SMURF2: variants seen among roughly 807,000 people sequenced by gnomAD.
SMURF2 encodes E3 ubiquitin-protein ligase SMURF2.
SMURF2 carries 48 observed loss-of-function variants against 109.6 expected under a neutral mutation model. The ratio of observed to expected loss-of-function variants is 0.44; its 90% CI spans 0.35 to 0.56. The LOEUF is 0.56. Among genes scored for constraint, SMURF2 ranks in the 20% least tolerant of loss-of-function variants. SMURF2 has a pLI of 0.01. For missense variants in SMURF2, 575 were observed against 909.0 expected (o/e 0.63, Z 4.72); for synonymous variants, 288 against 317.1 (o/e 0.91, Z 0.97).
At chr17:64,572,713 T>A (rs1490567176) in intron 9 of SMURF2, 2 of 152,334 alleles carry the variant, frequency 1.3e-5, no homozygotes, top group African/African-American at 4.8e-5. Context: ...TACTGGACGG[T>A]GGCCTGCCCA....
Position 64,542,478 on chromosome 17 carries a change from A to T in SMURF2, c.*3370T>A, listed in dbSNP as rs1451944956. Reference sequence around the variant, plus strand: ...TGTAATAAATACAAATACAATGAAAATGATAAAACTTTGTTTTTAAAGTCA... The same window carrying T: ...TGTAATAAATACAAATACAATGAAATTGATAAAACTTTGTTTTTAAAGTCA... On this transcript the variant is annotated 3_prime_UTR_variant, in exon 19 of 19. Transcript: ENST00000262435. 2 of 152,238 alleles carry T rather than the reference A, an allele frequency of 1.3e-5. No homozygotes were observed. The highest frequency in any genetic ancestry group is 4.8e-5 in the African/African-American group (2 of 41,464). 9.4% of individuals were successfully genotyped at this position (152,238 alleles called of 1,614,324 possible). A position where few individuals can be genotyped will look rare whatever the true frequency, so the allele number is the denominator to read the frequency against.
intron 1 of SMURF2, among the ~76,000 whole-genome samples, chr17:64,610,567 T>A: frequency 6.6e-6 from 1 of 151,954 alleles, no homozygotes; most frequent in Non-Finnish European, 1.5e-5. Context: ...TGAGAACACA[T>A]GGACACATGG....
intron 10 of SMURF2, among the ~76,000 whole-genome samples, chr17:64,567,390 C>A (rs1044909497): frequency 3.4e-5 from 5 of 148,810 alleles, no homozygotes; most frequent in South Asian, 2.1e-4. Context: ...GTCATTTACT[C>A]CAACAAACAG....
At chr17:64,606,056 GA>G (rs1159976791) in intron 2 of SMURF2, among the ~76,000 whole-genome samples, 3 of 148,366 alleles carry the variant, frequency 2.0e-5, no homozygotes, top group African/African-American at 7.4e-5. Flanking sequence ...AATAAAGCCA[GA>G]AAAAAAAATT....
intron 1 of SMURF2, among the ~76,000 whole-genome samples, chr17:64,648,737 G>C (rs931489968): frequency 6.6e-6 from 1 of 152,148 alleles, no homozygotes; most frequent in African/African-American, 2.4e-5. Flanking sequence ...CTGAGCGACA[G>C]AGTGAGACCC....
intron 2 of SMURF2, among the ~76,000 whole-genome samples, chr17:64,603,159 G>A (rs1413942012): frequency 6.6e-6 from 1 of 150,522 alleles, no homozygotes; most frequent in East Asian, 1.9e-4. Context: ...ACCCATCTTG[G>A]TTTTAAATGA....
chr17:64,558,506 G>T (rs1568173413), intron 12 of SMURF2, among the ~76,000 whole-genome samples: 2 of 152,076 alleles, frequency 1.3e-5, no homozygotes, highest in South Asian at 4.1e-4. Flanking sequence ...TTTTGGACAA[G>T]GCTATATTTT....
At chr17:64,565,612 GA>G (rs576121373) in intron 10 of SMURF2, among the ~76,000 whole-genome samples, 25 of 144,816 alleles carry the variant, frequency 1.7e-4, no homozygotes, top group Admixed American at 2.8e-4. Flanking sequence ...AACATGAAGG[GA>G]AAAAAAAAAA....
At chr17:64,601,874 G>T in intron 2 of SMURF2, among the ~76,000 whole-genome samples, 1 of 146,268 alleles carries the variant, frequency 6.8e-6, no homozygotes, top group South Asian at 2.2e-4. Flanking sequence ...GTATATATAT[G>T]TTTATATTAT....
At chr17:64,590,519 T>C (rs1555687607) in intron 5 of SMURF2, among the ~76,000 whole-genome samples, 1 of 152,146 alleles carries the variant, frequency 6.6e-6, no homozygotes, top group Non-Finnish European at 1.5e-5. Context: ...ATCAAATCTC[T>C]ATCAATTCTT....
intron 1 of SMURF2, among the ~76,000 whole-genome samples, chr17:64,641,112 C>T (rs1201429850): frequency 1.3e-5 from 2 of 151,768 alleles, no homozygotes; most frequent in Non-Finnish European, 2.9e-5. Context: ...ATAGTATCTG[C>T]TTTTTTACCA....
chr17:64,617,760 C>T (rs1041963589), intron 1 of SMURF2, among the ~76,000 whole-genome samples: 4 of 152,096 alleles, frequency 2.6e-5, no homozygotes, highest in Admixed American at 6.5e-5. Flanking sequence ...TGAGCCACTG[C>T]GCCCAGCCTC....
At chr17:64,551,358 G>GA (rs373237402) in intron 16 of SMURF2, among the ~76,000 whole-genome samples, 7,620 of 139,468 alleles carry the variant, frequency 0.055, 299 homozygotes, top group Admixed American at 0.14. Flanking sequence ...CCCTGTCTCA[G>GA]AAAAAAAAAA....
At chr17:64,641,000 C>G (rs555737870) in intron 1 of SMURF2, among the ~76,000 whole-genome samples, 1 of 151,654 alleles carries the variant, frequency 6.6e-6, no homozygotes, top group African/African-American at 2.4e-5. Context: ...ATTCTTAACC[C>G]TGAATTATAA....
At chr17:64,573,177 G>T in intron 9 of SMURF2, 1 of 17,710 alleles carries the variant, frequency 5.6e-5, no homozygotes, top group East Asian at 1.8e-3. Flanking sequence ...GGAGGAGGAG[G>T]GGGAGGAGGA....
In SMURF2 at chr17:64,545,902, T is replaced by C; in HGVS notation, c.2193A>G (p.Leu731=). The change falls in exon 19 of 19, where the codon CTA becomes CTG. Residue 731 remains leucine (L), a synonymous_variant. Coordinates refer to ENST00000262435, the MANE Select transcript of SMURF2 (RefSeq NM_022739.4). ...DIPPYESYEK[L]YEKLLTAIEE... is the part of the protein sequence containing the mutation. The stretch of plus-strand genomic sequence containing the variant: ...CAATGGCTGTTAGCAGCTTTTCATA[T>C]AGCTTTTCATAGCTTTCATAGGGTG... The C allele has an allele frequency of 1.2e-6, 2 of 1,612,156 alleles. No homozygotes were observed. Among genetic ancestry groups the C allele is most frequent in the Non-Finnish European group, 1.7e-6 (2 of 1,178,210 alleles).
At chr17:64,642,822 T>TCTTC (rs1970509153) in intron 1 of SMURF2, among the ~76,000 whole-genome samples, 1 of 151,916 alleles carries the variant, frequency 6.6e-6, no homozygotes, top group Non-Finnish European at 1.5e-5. Flanking sequence ...TGAGACAGGG[T>TCTTC]CTTCCTCTGT....
chr17:64,616,637 A>G (rs1414916182), intron 1 of SMURF2, among the ~76,000 whole-genome samples: 1 of 149,656 alleles, frequency 6.7e-6, no homozygotes. Context: ...CCCAGACGAC[A>G]GTGCGAGACT....
At chr17:64,648,616 T>C (rs1970592923) in intron 1 of SMURF2, among the ~76,000 whole-genome samples, 2 of 151,902 alleles carry the variant, frequency 1.3e-5, no homozygotes, top group Non-Finnish European at 2.9e-5. Flanking sequence ...TACAAAAAAT[T>C]TAAAAATTAC....
Sources: gnomAD v4.1 joint callset for allele counts (sites outside exome capture counted in the v4.1 genomes callset) on GRCh38, gnomAD v4.1.1 for gene constraint, MANE v1.5 for transcripts, NCBI Gene and HGNC (gene_info 2026-07-23, HGNC 2026-07-21) for gene names.